The following ENTPD1 variants were observed in gnomAD, a reference collection of about 807,000 sequenced individuals.
ENTPD1 encodes ATP diphosphohydrolase.
Under a neutral mutation model 57.0 loss-of-function variants are expected in ENTPD1, and 33 were observed. The observed-to-expected ratio is 0.58, with a 90% CI of 0.44 to 0.77. The LOEUF (loss-of-function observed/expected upper bound fraction) is 0.77. Among genes scored for constraint, ENTPD1 ranks in the 30% least tolerant of loss-of-function variants. The probability of loss-of-function intolerance (pLI) is 0.00; values close to 1 mark genes in which losing one functional copy is unlikely to be tolerated. For synonymous variants in ENTPD1, 202 were observed against 218.8 expected (o/e 0.92, Z 0.68); for missense variants, 501 against 603.4 (o/e 0.83, Z 1.78).
intron 1 of ENTPD1, among the ~76,000 whole-genome samples, chr10:95,714,037 A>G (rs551364566): frequency 5.8e-4 from 89 of 152,332 alleles, no homozygotes; most frequent in Admixed American, 2.7e-3. Flanking sequence ...AGGCCTGGGC[A>G]TGATGGCTCA....
At chr10:95,812,870 T>C (rs887989717) in intron 1 of ENTPD1, among the ~76,000 whole-genome samples, 5 of 152,246 alleles carry the variant, frequency 3.3e-5, no homozygotes, top group Non-Finnish European at 7.3e-5. Context: ...TACATTTCTT[T>C]AATTAAGGGT....
chr10:95,876,410 T>C lies in ENTPD1; in HGVS notation c.*10027T>C, dbSNP rs116220437. The C allele has an allele frequency of 1.0e-3, 1,286 of 1,231,378 alleles. 14 individuals carry two copies. The African/African-American group carries it at 0.018, about 17-fold the overall frequency. 76.3% of individuals were successfully genotyped at this position (1,231,378 alleles called of 1,614,324 possible). A position where few individuals can be genotyped will look rare whatever the true frequency, so the allele number is the denominator to read the frequency against. On this transcript the variant is annotated 3_prime_UTR_variant, in exon 10 of 10. Coordinates refer to ENST00000371205, the MANE Select transcript of ENTPD1 (RefSeq NM_001776.6). ...TTTTCTTGATGGTAAATCATAATGT[T>C]CCCTTTCTCCTCGGTTCTGCAATCT...
chr10:95,770,196 T>G (rs1253145513), intron 1 of ENTPD1, among the ~76,000 whole-genome samples: 1 of 148,316 alleles, frequency 6.7e-6, no homozygotes, highest in Non-Finnish European at 1.5e-5. Flanking sequence ...CTTTAAAGGT[T>G]GGGGATAGGA....
At chr10:95,842,676 G>C (rs2098425032) in intron 4 of ENTPD1, among the ~76,000 whole-genome samples, 182 bp downstream of exon 4, 1 of 149,098 alleles carries the variant, frequency 6.7e-6, no homozygotes, top group Non-Finnish European at 1.5e-5. Context: ...ATATATAGGG[G>C]TAGGATTTTA....
chr10:95,735,410 T>C (rs1030068113), intron 1 of ENTPD1, among the ~76,000 whole-genome samples: 6 of 152,334 alleles, frequency 3.9e-5, no homozygotes, highest in Non-Finnish European at 5.9e-5. Flanking sequence ...CAAGTTATAC[T>C]GTGTTTGTCA....
chr10:95,796,618 C>T (rs959996202), intron 1 of ENTPD1, among the ~76,000 whole-genome samples: 10 of 152,046 alleles, frequency 6.6e-5, no homozygotes, highest in African/African-American at 2.2e-4. Context: ...TTTTGAGGGA[C>T]ATAAAGGCAT....
intron 1 of ENTPD1, among the ~76,000 whole-genome samples, chr10:95,820,727 C>CTTA (rs1480644381): frequency 7.2e-5 from 11 of 152,212 alleles, no homozygotes; most frequent in Non-Finnish European, 1.3e-4. Flanking sequence ...GTCACTCTAT[C>CTTA]AAGTTCCTTG....
chr10:95,876,267 AT>A lies in ENTPD1; in HGVS notation c.*9888del, dbSNP rs2098485673. 1 of 978,858 alleles carries A rather than the reference AT, an allele frequency of 1.0e-6. No individual in the cohort carries two copies. Among genetic ancestry groups the A allele is most frequent in the South Asian group, 4.7e-5 (1 of 21,160 alleles). 60.6% of individuals were successfully genotyped at this position (978,858 alleles called of 1,614,324 possible). A position where few individuals can be genotyped will look rare whatever the true frequency, so the allele number is the denominator to read the frequency against. ...GCTAATTTTATAATAACACAAGTTG[AT>A]TTTGACATCCAACTTATTAATTATG... On this transcript the variant is annotated 3_prime_UTR_variant, in exon 10 of 10. Coordinates refer to ENST00000371205, the MANE Select transcript of ENTPD1 (RefSeq NM_001776.6).
In ENTPD1 at chr10:95,776,426, G is replaced by T. The variant is rs566384250; in HGVS notation, c.16+20171G>T. Among the ~76,000 whole-genome samples, 5 of 152,270 alleles carry T rather than the reference G, an allele frequency of 3.3e-5. No individual in the cohort carries two copies. The East Asian group carries it at 7.7e-4, about 23-fold the overall frequency. ...TTAGTTTGGCTGGATATGAAATTAT[G>T]GGTTGAAAATTCTTTTCTTTAAGAA... On this transcript the variant is annotated intron_variant, in intron 1 of 9. Transcript: ENST00000371205.
intron 1 of ENTPD1, among the ~76,000 whole-genome samples, chr10:95,736,001 G>GTTTTTTT (rs35402062): frequency 7.4e-6 from 1 of 134,304 alleles, no homozygotes; most frequent in Non-Finnish European, 1.6e-5. Flanking sequence ...CATTTTCAAA[G>GTTTTTTT]TTTTTTTTTT....
intron 1 of ENTPD1, among the ~76,000 whole-genome samples, chr10:95,803,211 T>C (rs2098257879): frequency 1.3e-5 from 2 of 152,180 alleles, no homozygotes; most frequent in African/African-American, 4.8e-5. Flanking sequence ...TTTCCATTTG[T>C]TTGTGTCATC....
At chr10:95,710,833 A>C (rs12260179), upstream of ENTPD1, among the ~76,000 whole-genome samples, 4,103 of 152,172 alleles carry the variant, frequency 0.027, 166 homozygotes, top group African/African-American at 0.089. Flanking sequence ...TTTATTGCTG[A>C]CTATACATTT....
Position 95,876,413 on chromosome 10 carries a change from C to T in ENTPD1, c.*10030C>T. The T allele has an allele frequency of 8.1e-7, 1 of 1,231,366 alleles. No homozygotes were observed. Among genetic ancestry groups the T allele is most frequent in the African/African-American group, 1.5e-5 (1 of 64,524 alleles). 76.3% of individuals were successfully genotyped at this position (1,231,366 alleles called of 1,614,324 possible). On this transcript the variant is annotated 3_prime_UTR_variant, in exon 10 of 10. Coordinates refer to ENST00000371205, the MANE Select transcript of ENTPD1 (RefSeq NM_001776.6). ...TCTTGATGGTAAATCATAATGTTCC[C>T]TTTCTCCTCGGTTCTGCAATCTATA...
At chr10:95,858,570 C>A (rs1319568591) in intron 7 of ENTPD1, among the ~76,000 whole-genome samples, 1 of 152,090 alleles carries the variant, frequency 6.6e-6, no homozygotes, top group Non-Finnish European at 1.5e-5. Context: ...GCAGTATCCA[C>A]ACGAGATGAT....
intron 1 of ENTPD1, among the ~76,000 whole-genome samples, chr10:95,792,177 G>T (rs2098207223): frequency 6.6e-6 from 1 of 152,242 alleles, no homozygotes; most frequent in East Asian, 1.9e-4. Flanking sequence ...GCTTTGCCTG[G>T]GACTGAGAGG....
chr10:95,855,766 C>T (rs542390716), intron 7 of ENTPD1, among the ~76,000 whole-genome samples: 5 of 152,356 alleles, frequency 3.3e-5, no homozygotes, highest in Admixed American at 3.3e-4. Context: ...ATATTGGCTA[C>T]CACTCTCTTC....
intron 2 of ENTPD1, among the ~76,000 whole-genome samples, chr10:95,826,444 G>A (rs60227189): frequency 0.16 from 24,101 of 151,674 alleles, 2,465 homozygotes; most frequent in African/African-American, 0.28. Context: ...ATGGTGGCGC[G>A]TACTTGTAAT....
At chr10:95,839,483 A>T (rs2098418135) in intron 2 of ENTPD1, 6 of 611,076 alleles carry the variant, frequency 9.8e-6, no homozygotes, top group Non-Finnish European at 1.2e-5. Context: ...AATATTTCTA[A>T]CATGCAAACA....
chr10:95,860,846 C>G (rs1263165062), intron 8 of ENTPD1, among the ~76,000 whole-genome samples: 1 of 152,220 alleles, frequency 6.6e-6, no homozygotes, highest in South Asian at 2.1e-4. Context: ...GTCAGCAGCT[C>G]TGCTCTATCT....
Sources: gnomAD v4.1 joint callset for allele counts (sites outside exome capture counted in the v4.1 genomes callset) on GRCh38, gnomAD v4.1.1 for gene constraint, MANE v1.5 for transcripts, NCBI Gene and HGNC (gene_info 2026-07-23, HGNC 2026-07-21) for gene names.